Variants in TBC1D9 observed in about 807,000 individuals in gnomAD.
The protein encoded by TBC1D9 is TBC1 domain family member 9A.
TBC1D9 carries 63 observed loss-of-function variants against 132.0 expected under a neutral mutation model. The observed-to-expected ratio is 0.48, with a 90% CI of 0.39 to 0.59. TBC1D9 has a LOEUF of 0.59. Ranked by LOEUF, TBC1D9 falls within the 20% of genes least tolerant of loss-of-function variation. TBC1D9 has a pLI of 0.00. For synonymous variants in TBC1D9, 610 were observed against 609.9 expected, an observed-to-expected ratio of 1.00 and a Z score of 0.00; for missense variants, 1,261 against 1,592.7, an observed-to-expected ratio of 0.79 and a Z score of 3.54.
chr4:140,755,087 T>C (rs1286807106), intron 1 of TBC1D9, among the ~76,000 whole-genome samples: 1 of 152,186 alleles, frequency 6.6e-6, no homozygotes, highest in Non-Finnish European at 1.5e-5. Flanking sequence ...ACTTTTTCAC[T>C]GTAAAAAGTA....
At position 140,678,649 on chromosome 4, in the gene TBC1D9, C is replaced by T. The variant is rs143900974; in HGVS notation, c.851+293G>A. On this transcript the variant is annotated intron_variant, in intron 5 of 20. Transcript: ENST00000442267. ...GCTCAAAGCAGCCTCCACTGAGAGGCCTTTCTTACCCACTCTTCCCCATCT... is the reference window on the plus strand; with the variant it reads ...GCTCAAAGCAGCCTCCACTGAGAGGTCTTTCTTACCCACTCTTCCCCATCT... Among the ~76,000 whole-genome samples the T allele has an allele frequency of 1.2e-4, 18 of 152,284 alleles. No homozygotes were observed. In the East Asian group the frequency reaches 3.5e-3, roughly 29 times the overall value.
In TBC1D9 at chr4:140,634,055, G is replaced by A; in HGVS notation, c.2639C>T (p.Pro880Leu). ...GTCAGAGTGAGTTCCACATGCCCAA[G>A]GAAAGAGAAGAGCAAACATTCCCTT... ...QFKGMFALLF[P>L]WACGTHSDVL... Residue 880 changes from proline (P) to leucine (L), a missense_variant, in exon 16 of 21, where the codon CCT becomes CTT. Pro to Leu is a moderately conservative substitution (Grantham distance 98). Coordinates refer to ENST00000442267, the MANE Select transcript of TBC1D9 (RefSeq NM_015130.3). The A allele has an allele frequency of 1.2e-6, 2 of 1,614,010 alleles. No homozygotes were observed. The highest frequency in any genetic ancestry group is 1.7e-6 in the Non-Finnish European group (2 of 1,179,900).
chr4:140,636,779 A>T (rs1736888184), intron 15 of TBC1D9, among the ~76,000 whole-genome samples: 1 of 152,186 alleles, frequency 6.6e-6, no homozygotes, highest in Non-Finnish European at 1.5e-5. Flanking sequence ...AAGATGAATG[A>T]GAGCCAATTG....
chr4:140,650,150 A>G (rs997312800), intron 13 of TBC1D9, among the ~76,000 whole-genome samples: 5 of 152,260 alleles, frequency 3.3e-5, no homozygotes, highest in African/African-American at 9.6e-5. Context: ...TACAAAAAAT[A>G]ACTCTAAGCA....
At chr4:140,734,405 C>T (rs1738643236) in intron 1 of TBC1D9, among the ~76,000 whole-genome samples, 2 of 152,214 alleles carry the variant, frequency 1.3e-5, no homozygotes, top group South Asian at 2.1e-4. Flanking sequence ...GCTGGGATTA[C>T]AGGCACGAGC....
At position 140,651,518 on chromosome 4, in the gene TBC1D9, CA is replaced by C. The variant is rs536393966; in HGVS notation, c.2337+5578del. 3.3e-3 allele frequency among the ~76,000 whole-genome samples: 496 copies of C among 151,282 alleles called. 2 individuals carry two copies. Among genetic ancestry groups the C allele is most frequent in the African/African-American group, 0.011 (455 of 41,352 alleles). ...AATGTTATAACTGAGATTCCATTAA[CA>C]ACGGGTGAGAACTAACTTATAGGTC... On this transcript the variant is annotated intron_variant, in intron 13 of 20. Coordinates refer to ENST00000442267, the MANE Select transcript of TBC1D9 (RefSeq NM_015130.3).
intron 18 of TBC1D9, among the ~76,000 whole-genome samples, chr4:140,625,696 T>G (rs1024189260): frequency 6.6e-6 from 1 of 152,238 alleles, no homozygotes; most frequent in Non-Finnish European, 1.5e-5. Context: ...GGATACTATA[T>G]AGCCATTTAA....
At chr4:140,731,985 C>G (rs1186738702) in intron 1 of TBC1D9, among the ~76,000 whole-genome samples, 2 of 152,110 alleles carry the variant, frequency 1.3e-5, no homozygotes, top group Non-Finnish European at 2.9e-5. Context: ...AGCCCCAGCC[C>G]TGCGTGGAAG....
intron 6 of TBC1D9, among the ~76,000 whole-genome samples, chr4:140,675,886 T>C (rs1350616427): frequency 6.6e-6 from 1 of 152,166 alleles, no homozygotes; most frequent in East Asian, 1.9e-4. Flanking sequence ...TTTCCTAGTT[T>C]CTGTATTTGA....
chr4:140,644,850 C>T (rs1737076901), intron 13 of TBC1D9: 5 of 426,866 alleles, frequency 1.2e-5, no homozygotes, highest in African/African-American at 2.1e-5. Context: ...GAATGACCAA[C>T]AGCTGGCCCG....
intron 9 of TBC1D9, among the ~76,000 whole-genome samples, 155 bp downstream of exon 9, chr4:140,668,762 G>A (rs1215714054): frequency 6.6e-6 from 1 of 152,190 alleles, no homozygotes; most frequent in Non-Finnish European, 1.5e-5. Context: ...CAATAATTGA[G>A]GAACTTCAAT....
intron 13 of TBC1D9, among the ~76,000 whole-genome samples, chr4:140,646,537 T>C (rs1397107375): frequency 6.6e-6 from 1 of 152,238 alleles, no homozygotes; most frequent in African/African-American, 2.4e-5. Context: ...TCCCTATAAA[T>C]AGCACCACTC....
In TBC1D9 at chr4:140,688,630, C is replaced by T. The variant is rs115570187; in HGVS notation, c.242-2168G>A. ...GCCGCAGTGAGCCATGATGGTGCCACTGCACTTCAGCCTGGGCAACAGAGT... is the reference window on the plus strand; with the variant it reads ...GCCGCAGTGAGCCATGATGGTGCCATTGCACTTCAGCCTGGGCAACAGAGT... On this transcript the variant is annotated intron_variant, in intron 2 of 20. Coordinates refer to ENST00000442267, the MANE Select transcript of TBC1D9 (RefSeq NM_015130.3). Among the ~76,000 whole-genome samples, 1,164 of 152,218 alleles carry T rather than the reference C, an allele frequency of 7.6e-3. 16 individuals carry two copies. Among genetic ancestry groups the T allele is most frequent in the African/African-American group, 0.027 (1,123 of 41,514 alleles).
chr4:140,715,456 C>T (rs1480085209), intron 1 of TBC1D9, among the ~76,000 whole-genome samples: 1 of 152,168 alleles, frequency 6.6e-6, no homozygotes, highest in Non-Finnish European at 1.5e-5. Flanking sequence ...ATTCATAGTA[C>T]CTTGAATGAC....
intron 1 of TBC1D9, among the ~76,000 whole-genome samples, chr4:140,740,494 T>TC (rs1560901595): frequency 6.6e-6 from 1 of 152,126 alleles, no homozygotes; most frequent in Non-Finnish European, 1.5e-5. Flanking sequence ...CATAATGAAC[T>TC]CCCCCTTTAC....
intron 16 of TBC1D9, among the ~76,000 whole-genome samples, chr4:140,632,169 T>A (rs1195196954): frequency 6.6e-6 from 1 of 152,214 alleles, no homozygotes; most frequent in East Asian, 1.9e-4. Flanking sequence ...TGGAGTTGAC[T>A]GAATTTAAGT....
At position 140,657,590 on chromosome 4, in the gene TBC1D9, T is replaced by TC; in HGVS notation, c.2143dup (p.Asp715GlyfsTer13). Reference sequence around the variant, plus strand: ...GTTCAACAGTTTGTCCACATTTGCATCCAGCACAGCTAGGGCCAACTGGAA... The same window carrying TC: ...GTTCAACAGTTTGTCCACATTTGCATCCCAGCACAGCTAGGGCCAACTGGAA... On this transcript the variant is annotated frameshift_variant, in exon 12 of 21. Transcript: ENST00000442267. LOFTEE classifies it high-confidence loss of function. 6.2e-7 allele frequency: 1 copy of TC among 1,613,998 alleles called. No individual in the cohort carries two copies. Among genetic ancestry groups the TC allele is most frequent in the South Asian group, 1.1e-5 (1 of 91,080 alleles).
chr4:140,727,212 G>A (rs1738515662), intron 1 of TBC1D9, among the ~76,000 whole-genome samples: 1 of 152,222 alleles, frequency 6.6e-6, no homozygotes, highest in South Asian at 2.1e-4. Context: ...CTAATTATCT[G>A]TAATTTGTTT....
chr4:140,621,447 A>C lies in TBC1D9; in HGVS notation c.*748T>G, dbSNP rs1736612154. 6.6e-6 allele frequency: 1 copy of C among 152,226 alleles called. No homozygotes were observed. The highest frequency in any genetic ancestry group is 2.1e-4 in the South Asian group (1 of 4,838). 9.4% of individuals were successfully genotyped at this position (152,226 alleles called of 1,614,324 possible). ...TGCTACTTTCAGATTCTCTGTGACA[A>C]AAGACTGTTACTTTTCACTGAATTC... On this transcript the variant is annotated 3_prime_UTR_variant, in exon 21 of 21. Transcript: ENST00000442267.
Sources: gnomAD v4.1 joint callset for allele counts (sites outside exome capture counted in the v4.1 genomes callset) on GRCh38, gnomAD v4.1.1 for gene constraint, MANE v1.5 for transcripts, NCBI Gene and HGNC (gene_info 2026-07-23, HGNC 2026-07-21) for gene names.